The following TENM3 variants were observed in gnomAD, a reference collection of about 807,000 sequenced individuals.
TENM3 encodes teneurin transmembrane protein 3, also known as teneurin-3.
Under a neutral mutation model 255.1 loss-of-function variants are expected in TENM3, and 63 were observed. The observed-to-expected ratio is 0.25, with a 90% CI of 0.20 to 0.30. The LOEUF is 0.30. Ranked by LOEUF, TENM3 falls within the 10% of genes least tolerant of loss-of-function variation. TENM3 has a pLI of 1.00. For missense variants in TENM3, 2,929 were observed against 3,461.1 expected, an observed-to-expected ratio of 0.85 and a Z score of 3.86; for synonymous variants, 1,306 against 1,322.3, an observed-to-expected ratio of 0.99 and a Z score of 0.27.
At chr4:182,431,366 T>A (rs957424470) in intron 3 of TENM3, among the ~76,000 whole-genome samples, 15 of 151,462 alleles carry the variant, frequency 9.9e-5, no homozygotes, top group Non-Finnish European at 1.8e-4. Flanking sequence ...TGGTGGCACA[T>A]GCCTGTAGTC....
intron 22 of TENM3, among the ~76,000 whole-genome samples, chr4:182,771,180 A>G (rs1325151030): frequency 6.6e-6 from 1 of 152,222 alleles, no homozygotes; most frequent in Non-Finnish European, 1.5e-5. Context: ...ATGAAAGAGC[A>G]AAGTCAGAGG....
chr4:181,989,312 G>C, the TENM3 span, among the ~76,000 whole-genome samples: 1 of 152,054 alleles, frequency 6.6e-6, no homozygotes, highest in African/African-American at 2.4e-5. Context: ...GCAGGGTGGG[G>C]ATGGTGTTGT....
At chr4:182,171,476 G>T (rs941130622) in intron 1 of TENM3, among the ~76,000 whole-genome samples, 2 of 151,892 alleles carry the variant, frequency 1.3e-5, no homozygotes, top group Non-Finnish European at 2.9e-5. Context: ...TTATTGTTTT[G>T]GTTTTTAGAC....
the TENM3 span, among the ~76,000 whole-genome samples, chr4:181,644,137 G>A: frequency 6.7e-6 from 1 of 148,518 alleles, no homozygotes. Flanking sequence ...CAAAGACAAA[G>A]AGGCTAGAAT....
intron 1 of TENM3, among the ~76,000 whole-genome samples, chr4:182,273,902 A>T (rs1759821393): frequency 6.6e-6 from 1 of 152,254 alleles, no homozygotes; most frequent in Non-Finnish European, 1.5e-5. Flanking sequence ...TAAAGCATGG[A>T]AATAGTTATC....
the TENM3 span, among the ~76,000 whole-genome samples, chr4:181,759,734 G>GTGTGTA: frequency 6.6e-6 from 1 of 151,330 alleles, no homozygotes; most frequent in Non-Finnish European, 1.5e-5. Flanking sequence ...ATGTGTGTGT[G>GTGTGTA]TGTGTGTGTG....
At chr4:181,559,127 G>C in the TENM3 span, among the ~76,000 whole-genome samples, 1 of 151,998 alleles carries the variant, frequency 6.6e-6, no homozygotes, top group East Asian at 1.9e-4. Flanking sequence ...ATTCCAGTGA[G>C]TACATATAAG....
the TENM3 span, among the ~76,000 whole-genome samples, chr4:181,546,388 C>T: frequency 6.6e-6 from 1 of 152,128 alleles, no homozygotes; most frequent in African/African-American, 2.4e-5. Context: ...TTTATTATCA[C>T]GTTGGTTATT....
At chr4:181,484,557 T>C in the TENM3 span, among the ~76,000 whole-genome samples, 11 of 152,206 alleles carry the variant, frequency 7.2e-5, no homozygotes, top group African/African-American at 2.7e-4. Context: ...ATTTACTGCA[T>C]AGTAATTAGG....
At chr4:181,861,928 C>T in the TENM3 span, among the ~76,000 whole-genome samples, 1 of 152,052 alleles carries the variant, frequency 6.6e-6, no homozygotes, top group African/African-American at 2.4e-5. Context: ...AATTTTGCCA[C>T]AGTGATTTCT....
the TENM3 span, among the ~76,000 whole-genome samples, chr4:181,552,839 T>G: frequency 6.6e-6 from 1 of 152,218 alleles, no homozygotes; most frequent in Non-Finnish European, 1.5e-5. Flanking sequence ...ATGTGGGCTT[T>G]CCCAAAACTG....
the TENM3 span, among the ~76,000 whole-genome samples, chr4:181,743,188 A>C: frequency 6.6e-6 from 1 of 152,120 alleles, no homozygotes; most frequent in Non-Finnish European, 1.5e-5. Context: ...TTGGGTATAT[A>C]CCCAGTAATG....
chr4:182,735,027 T>A (rs902843150), intron 16 of TENM3, among the ~76,000 whole-genome samples: 1 of 152,216 alleles, frequency 6.6e-6, no homozygotes, highest in African/African-American at 2.4e-5. Flanking sequence ...AATCTATTTT[T>A]CAAATTAACT....
At chr4:181,788,945 A>G in the TENM3 span, among the ~76,000 whole-genome samples, 3 of 152,240 alleles carry the variant, frequency 2.0e-5, no homozygotes, top group African/African-American at 4.8e-5. Flanking sequence ...ATGTAGCACA[A>G]TTAAAGCCAC....
chr4:182,242,914 T>A (rs1385424668), upstream of TENM3, among the ~76,000 whole-genome samples: 1 of 152,162 alleles, frequency 6.6e-6, no homozygotes, highest in Non-Finnish European at 1.5e-5. Context: ...GAGTTGATAA[T>A]GTATTAGAAG....
chr4:182,181,082 T>C (rs542947709), intron 1 of TENM3, among the ~76,000 whole-genome samples: 1 of 152,270 alleles, frequency 6.6e-6, no homozygotes, highest in Admixed American at 6.5e-5. Flanking sequence ...CATGGACATA[T>C]GAGCCTGCTT....
the TENM3 span, among the ~76,000 whole-genome samples, chr4:182,005,844 G>T: frequency 6.6e-6 from 1 of 152,100 alleles, no homozygotes; most frequent in African/African-American, 2.4e-5. Flanking sequence ...GTGAATGGGA[G>T]TTCATTCCTG....
chr4:181,879,933 G>A, the TENM3 span, among the ~76,000 whole-genome samples: 2 of 152,122 alleles, frequency 1.3e-5, no homozygotes, highest in Non-Finnish European at 2.9e-5. Context: ...AATAAAATAA[G>A]TGAACTTCTT....
At chr4:181,837,192 C>T in the TENM3 span, among the ~76,000 whole-genome samples, 1 of 151,866 alleles carries the variant, frequency 6.6e-6, no homozygotes, top group Non-Finnish European at 1.5e-5. Flanking sequence ...ATTTTTTCCT[C>T]CCCAATTTTT....
Sources: gnomAD v4.1 joint callset for allele counts (sites outside exome capture counted in the v4.1 genomes callset) on GRCh38, gnomAD v4.1.1 for gene constraint, MANE v1.5 for transcripts, NCBI Gene and HGNC (gene_info 2026-07-23, HGNC 2026-07-21) for gene names.